ACBD6: variants seen among roughly 807,000 people sequenced by gnomAD.
ACBD6 encodes acyl-CoA binding domain containing 6, also known as acyl-CoA-binding domain-containing protein 6.
ACBD6 carries 28 observed loss-of-function variants against 37.2 expected under a neutral mutation model. The observed-to-expected ratio is 0.75, with a 90% confidence interval of 0.56 to 1.03. ACBD6 has a LOEUF of 1.03. Among genes scored for constraint, ACBD6 ranks in the 50% least tolerant of loss-of-function variants. The probability of loss-of-function intolerance (pLI) is 0.00; values close to 1 mark genes in which losing one functional copy is unlikely to be tolerated. For missense variants in ACBD6, 340 were observed against 337.4 expected (o/e 1.01, Z -0.06); for synonymous variants, 113 against 126.8 (o/e 0.89, Z 0.73).
intron 7 of ACBD6, among the ~76,000 whole-genome samples, chr1:180,306,962 C>T (rs1650405616): frequency 6.6e-6 from 1 of 152,102 alleles, no homozygotes; most frequent in Non-Finnish European, 1.5e-5. Flanking sequence ...CCTCAAAGAA[C>T]TGAAAATAGG....
chr1:180,477,856 TGCAAGCTGG>T (rs1650860318), intron 3 of ACBD6, among the ~76,000 whole-genome samples: 1 of 152,088 alleles, frequency 6.6e-6, no homozygotes, highest in South Asian at 2.1e-4. Flanking sequence ...AAAAGTCTTC[TGCAAGCTGG>T]GCAAGGCAGT....
rs552755077 is a variant in ACBD6, at chr1:180,467,648, T to C, written c.384+24621A>G. Among the ~76,000 whole-genome samples, 4 of 151,484 alleles carry C rather than the reference T, an allele frequency of 2.6e-5. No individual in the cohort carries two copies. In the East Asian group the frequency reaches 7.7e-4, roughly 29 times the overall value. On this transcript the variant is annotated intron_variant, in intron 3 of 7. Coordinates refer to ENST00000367595, the MANE Select transcript of ACBD6 (RefSeq NM_032360.4). Reference sequence around the variant, plus strand: ...CTGGGTGACAGCAAGACCCTGTCTCTAAAAAAAATAAAATAAAGGGCTTAA... The same window carrying C: ...CTGGGTGACAGCAAGACCCTGTCTCCAAAAAAAATAAAATAAAGGGCTTAA...
intron 8 of ACBD6, among the ~76,000 whole-genome samples, chr1:180,283,140 A>T (rs1284234819): frequency 6.6e-6 from 1 of 152,204 alleles, no homozygotes; most frequent in Non-Finnish European, 1.5e-5. Context: ...CTTGTACTTT[A>T]AAAGAGCCTT....
intron 3 of ACBD6, among the ~76,000 whole-genome samples, chr1:180,479,499 T>C (rs578189864): frequency 1.3e-5 from 2 of 151,564 alleles, no homozygotes; most frequent in Admixed American, 6.6e-5. Flanking sequence ...GAGGGGCAAG[T>C]AGGGGGAAGA....
intron 5 of ACBD6, among the ~76,000 whole-genome samples, chr1:180,411,449 A>G (rs1446685471): frequency 6.6e-6 from 1 of 152,146 alleles, no homozygotes; most frequent in African/African-American, 2.4e-5. Context: ...TGCCACAGCC[A>G]CCCCAACCTT....
intron 7 of ACBD6, among the ~76,000 whole-genome samples, chr1:180,303,974 T>A (rs1650243591): frequency 6.6e-6 from 1 of 150,888 alleles, no homozygotes. Context: ...ATAAACGTAA[T>A]CCAGCATATA....
intron 6 of ACBD6, among the ~76,000 whole-genome samples, chr1:180,393,757 C>T (rs1161243370): frequency 6.6e-6 from 1 of 152,184 alleles, no homozygotes; most frequent in Non-Finnish European, 1.5e-5. Flanking sequence ...AACCCATTAA[C>T]TAAAGTTAGA....
intron 7 of ACBD6, among the ~76,000 whole-genome samples, chr1:180,290,370 T>C (rs1033346974): frequency 6.6e-6 from 1 of 152,026 alleles, no homozygotes; most frequent in Non-Finnish European, 1.5e-5. Flanking sequence ...ACTTTGGGAG[T>C]CTCACTTTGT....
intron 6 of ACBD6, among the ~76,000 whole-genome samples, chr1:180,378,957 C>A (rs1032914477): frequency 1.3e-5 from 2 of 152,138 alleles, no homozygotes; most frequent in Non-Finnish European, 2.9e-5. Context: ...ACTTGACTGA[C>A]CCACCACTGC....
chr1:180,456,028 T>C (rs1304457422), intron 3 of ACBD6, among the ~76,000 whole-genome samples: 2 of 151,956 alleles, frequency 1.3e-5, no homozygotes, highest in African/African-American at 4.8e-5. Flanking sequence ...CGGGCCAACA[T>C]GGTGAAATCC....
chr1:180,453,528 T>C (rs1331463849), intron 3 of ACBD6, among the ~76,000 whole-genome samples: 2 of 152,146 alleles, frequency 1.3e-5, no homozygotes, highest in African/African-American at 2.4e-5. Context: ...TTCAACATAG[T>C]AGTGGAAGTT....
intron 7 of ACBD6, among the ~76,000 whole-genome samples, chr1:180,291,050 C>G (rs1375744583): frequency 6.6e-6 from 1 of 152,198 alleles, no homozygotes; most frequent in Non-Finnish European, 1.5e-5. Context: ...TAGCATGTTG[C>G]TTTTGTGATC....
At chr1:180,455,417 T>C (rs1461211159) in intron 3 of ACBD6, among the ~76,000 whole-genome samples, 1 of 152,086 alleles carries the variant, frequency 6.6e-6, no homozygotes, top group Non-Finnish European at 1.5e-5. Context: ...AAATATCTAA[T>C]GTTGATGATG....
intron 6 of ACBD6, among the ~76,000 whole-genome samples, chr1:180,348,564 T>C (rs1309362631): frequency 6.6e-6 from 1 of 152,162 alleles, no homozygotes; most frequent in Admixed American, 6.5e-5. Flanking sequence ...TAAGTTAAAA[T>C]GGAGTATAAA....
At chr1:180,407,931 G>C (rs1023288533) in intron 5 of ACBD6, among the ~76,000 whole-genome samples, 4 of 152,136 alleles carry the variant, frequency 2.6e-5, no homozygotes, top group African/African-American at 9.7e-5. Flanking sequence ...AAGTTAAGTG[G>C]CCTACTTATT....
chr1:180,271,295 C>A, exon 14 of ACBD6: 1 of 1,487,418 alleles, frequency 6.7e-7, no homozygotes, highest in Non-Finnish European at 9.4e-7. Flanking sequence ...GGCTTAGGTG[C>A]AGAAAGGATG....
At chr1:180,500,649 C>T (rs1651929148) in intron 1 of ACBD6, among the ~76,000 whole-genome samples, 2 of 149,272 alleles carry the variant, frequency 1.3e-5, no homozygotes, top group African/African-American at 2.5e-5. Context: ...AGCTAAGATC[C>T]AGCCACTGCA....
intron 6 of ACBD6, among the ~76,000 whole-genome samples, chr1:180,350,333 C>T (rs1027733641): frequency 3.3e-5 from 5 of 151,984 alleles, no homozygotes; most frequent in Non-Finnish European, 7.4e-5. Flanking sequence ...CATGCCTGGC[C>T]GACTCCTAAT....
At chr1:180,487,399 C>A (rs183352403) in intron 3 of ACBD6, among the ~76,000 whole-genome samples, 1 of 152,120 alleles carries the variant, frequency 6.6e-6, no homozygotes, top group Non-Finnish European at 1.5e-5. Context: ...AAATTTCACA[C>A]CATCTCACGC....
Sources: gnomAD v4.1 joint callset for allele counts (sites outside exome capture counted in the v4.1 genomes callset) on GRCh38, gnomAD v4.1.1 for gene constraint, MANE v1.5 for transcripts, NCBI Gene and HGNC (gene_info 2026-07-23, HGNC 2026-07-21) for gene names.